Variants in MIER2 observed in about 807,000 individuals in gnomAD.
MIER2 encodes the protein mesoderm induction early response protein 2.
Under a neutral mutation model 67.6 loss-of-function variants are expected in MIER2, and 30 were observed. That is an observed-to-expected ratio of 0.44 (90% CI 0.33 to 0.60). MIER2 has a LOEUF of 0.60. Among genes scored for constraint, MIER2 ranks in the 20% least tolerant of loss-of-function variants. MIER2 has a pLI of 0.02. For missense variants in MIER2, 702 were observed against 745.1 expected, an observed-to-expected ratio of 0.94 and a Z score of 0.67; for synonymous variants, 372 against 312.6, an observed-to-expected ratio of 1.19 and a Z score of -2.00.
chr19:323,260 C>CT (rs1442540343), intron 7 of MIER2, among the ~76,000 whole-genome samples: 1 of 132,440 alleles, frequency 7.6e-6, no homozygotes, highest in Non-Finnish European at 1.7e-5. Flanking sequence ...ATGCAATACA[C>CT]AAGACACACA....
At chr19:306,819 C>T (rs115488401) in intron 13 of MIER2, 108 bp from the exon 14 acceptor site, 23 of 1,522,418 alleles carry the variant, frequency 1.5e-5, no homozygotes, top group Admixed American at 2.0e-5. Flanking sequence ...TTGCCTCCCC[C>T]ACAGCCTATG....
intron 13 of MIER2, 134 bp from the exon 14 acceptor site, chr19:306,845 G>A: frequency 7.1e-7 from 1 of 1,399,928 alleles, no homozygotes; most frequent in Non-Finnish European, 9.8e-7. Flanking sequence ...CGGGCCCGGG[G>A]TGCCCTGAGG....
chr19:313,952 G>A (rs537502731), intron 7 of MIER2, among the ~76,000 whole-genome samples: 20 of 152,220 alleles, frequency 1.3e-4, no homozygotes, highest in Non-Finnish European at 2.6e-4. Context: ...AGAGGAAGCT[G>A]TGGACAGCCT....
rs1390075765 is a variant in MIER2 at position 327,976 on chromosome 19, G to A, written c.257C>T (p.Pro86Leu). ...ATAGAGCGCAAGCAGCTCATCAAAG[G>A]GCATGTCGTTGCTCTGAGTTGGGGA... Reference protein sequence around the residue: ...KDFISQSNDMPFDELLALYGY... With the variant: ...KDFISQSNDMLFDELLALYGY... The change falls in exon 4 of 14, where the codon CCC (proline) becomes CTC (leucine). Residue 86 changes from proline (P) to leucine (L), a missense_variant. Physicochemically the swap from Pro to Leu is moderately conservative, Grantham distance 98 (BLOSUM62 -3). Around this residue, in one of 3 missense-constraint regions of MIER2, gnomAD observed 320 missense variants for 292.6 expected, o/e 1.09. Transcript: ENST00000264819. 5 of 1,613,114 alleles carry A rather than the reference G, an allele frequency of 3.1e-6. No homozygotes were observed. Among genetic ancestry groups the A allele is most frequent in the Non-Finnish European group, 4.2e-6 (5 of 1,179,544 alleles).
In MIER2 at chr19:308,569, A is replaced by C; in HGVS notation, c.1198+8T>G. 6.3e-7 allele frequency: 1 copy of C among 1,594,252 alleles called. No individual in the cohort carries two copies. Among genetic ancestry groups the C allele is most frequent in the Non-Finnish European group, 8.5e-7 (1 of 1,172,540 alleles). ...CCCCCAGGGCAGGAGATACTCCCCAAGCCTCACCTGTGCGCATCCCAGTCA... is the reference window on the plus strand; with the variant it reads ...CCCCCAGGGCAGGAGATACTCCCCACGCCTCACCTGTGCGCATCCCAGTCA... On this transcript the variant is annotated splice_region_variant and intron_variant, in intron 12 of 13. Transcript: ENST00000264819. The surrounding 1 kb of genome is among the most constrained non-coding windows in gnomAD (Gnocchi z 9.1).
intron 7 of MIER2, among the ~76,000 whole-genome samples, chr19:324,330 T>C (rs1324235985): frequency 7.8e-6 from 1 of 128,828 alleles, no homozygotes; most frequent in Non-Finnish European, 1.6e-5. Flanking sequence ...ACAACTCGAA[T>C]GACACAGACG....
chr19:319,154 G>A (rs1023485180), intron 7 of MIER2, among the ~76,000 whole-genome samples: 6 of 151,712 alleles, frequency 4.0e-5, no homozygotes, highest in Admixed American at 1.3e-4. Flanking sequence ...CTGAGGTCAG[G>A]AGTTTGAGAC....
intron 10 of MIER2, among the ~76,000 whole-genome samples, chr19:310,001 C>T (rs929521019): frequency 2.0e-5 from 3 of 147,924 alleles, no homozygotes; most frequent in Admixed American, 2.0e-4. Context: ...GGGACACACA[C>T]ACACACGCAC....
chr19:322,786 G>A (rs1292854387), intron 7 of MIER2, among the ~76,000 whole-genome samples: 1 of 152,036 alleles, frequency 6.6e-6, no homozygotes, highest in African/African-American at 2.4e-5. Flanking sequence ...TGTCCATCAA[G>A]TGCCGAGTGC....
rs746842872 is a variant in MIER2, at chr19:308,701, G to A, written c.1110-36C>T. The A allele has an allele frequency of 8.8e-6, 14 of 1,596,064 alleles. No homozygotes were observed. Among genetic ancestry groups the A allele is most frequent in the Admixed American group, 1.7e-5 (1 of 58,390 alleles). ...AGGGCGCCATGAGGGGCGGCAGACA[G>A]GACAGACGCCCCCACCCAAGAGGTG... On this transcript the variant is annotated intron_variant, in intron 11 of 13. Transcript: ENST00000264819. This position sits in a 1 kb window ranked among gnomAD's most constrained non-coding sequence, Gnocchi z 9.1.
chr19:334,710 G>GTGC (rs1972164168), intron 2 of MIER2, among the ~76,000 whole-genome samples, 168 bp from the exon 3 acceptor site: 1 of 152,184 alleles, frequency 6.6e-6, no homozygotes, highest in Non-Finnish European at 1.5e-5. Flanking sequence ...ATGCACACAG[G>GTGC]AGCACGGCTG....
intron 8 of MIER2, among the ~76,000 whole-genome samples, chr19:313,251 A>G (rs544738541): frequency 9.8e-4 from 149 of 151,946 alleles, no homozygotes; most frequent in South Asian, 1.7e-3. Context: ...CCAGGGAGTG[A>G]CATCAGGGGT....
At chr19:340,300 G>A (rs977346027) in intron 1 of MIER2, among the ~76,000 whole-genome samples, 2 of 152,164 alleles carry the variant, frequency 1.3e-5, no homozygotes, top group East Asian at 1.9e-4. Context: ...GGGGTTACGG[G>A]TGCCAACCCT....
chr19:314,736 C>T (rs1422127880), intron 7 of MIER2, among the ~76,000 whole-genome samples: 6 of 151,928 alleles, frequency 3.9e-5, no homozygotes. Flanking sequence ...AACAGCAGAC[C>T]ATCTCTGGAG....
At chr19:331,091 G>C (rs1972001367) in intron 3 of MIER2, among the ~76,000 whole-genome samples, 1 of 152,126 alleles carries the variant, frequency 6.6e-6, no homozygotes, top group African/African-American at 2.4e-5. Flanking sequence ...ACCAGGCGTG[G>C]CTCATGCCTG....
At chr19:322,738 CG>C (rs1971551232) in intron 7 of MIER2, among the ~76,000 whole-genome samples, 2 of 151,992 alleles carry the variant, frequency 1.3e-5, no homozygotes, top group Non-Finnish European at 2.9e-5. Flanking sequence ...AAGCAGTATG[CG>C]TCACCCTAAG....
intron 1 of MIER2, among the ~76,000 whole-genome samples, chr19:340,289 A>G (rs1443062163): frequency 6.6e-6 from 1 of 152,184 alleles, no homozygotes; most frequent in African/African-American, 2.4e-5. Context: ...TGAACAACGC[A>G]GGGGTTACGG....
intron 7 of MIER2, among the ~76,000 whole-genome samples, chr19:324,746 A>C (rs1176301768): frequency 6.6e-6 from 1 of 152,242 alleles, no homozygotes; most frequent in Non-Finnish European, 1.5e-5. Context: ...GGGACGAAGA[A>C]GTCCTGGCTG....
chr19:308,441 C>T lies in MIER2; in HGVS notation c.1198+136G>A, dbSNP rs1414800369. The T allele has an allele frequency of 3.0e-5, 27 of 904,352 alleles. No homozygotes were observed. The East Asian group carries it at 4.0e-4, about 13-fold the overall frequency. 56.0% of individuals were successfully genotyped at this position (904,352 alleles called of 1,614,324 possible). Reference sequence around the variant, plus strand: ...GCATCCACATCACGTGGCTGCCCTCCGCCACCCAGACGCCCACTCCTCCTG... The same window carrying T: ...GCATCCACATCACGTGGCTGCCCTCTGCCACCCAGACGCCCACTCCTCCTG... On this transcript the variant is annotated intron_variant, in intron 12 of 13. Coordinates refer to ENST00000264819, the MANE Select transcript of MIER2 (RefSeq NM_017550.3). The surrounding 1 kb of genome is among the most constrained non-coding windows in gnomAD (Gnocchi z 9.1).
Sources: gnomAD v4.1 joint callset for allele counts (sites outside exome capture counted in the v4.1 genomes callset) on GRCh38, gnomAD v4.1.1 for gene constraint, gnomAD v4.1.1 regional missense constraint, Gnocchi (gnomAD v3.1) non-coding constraint, MANE v1.5 for transcripts, NCBI Gene and HGNC (gene_info 2026-07-23, HGNC 2026-07-21) for gene names.